Variants in ELMO1 observed in about 807,000 individuals in gnomAD.
ELMO1 encodes the protein engulfment and cell motility 1.
In ELMO1, 26 loss-of-function variants were observed where a neutral mutation model predicts 98.9. That is an observed-to-expected ratio of 0.26 (90% CI 0.19 to 0.36). The LOEUF (loss-of-function observed/expected upper bound fraction) is 0.36, where lower values mean the gene tolerates loss of function less well. Among genes scored for constraint, ELMO1 ranks in the 10% least tolerant of loss-of-function variants. The pLI is 1.00. For missense variants in ELMO1, 627 were observed against 935.2 expected (o/e 0.67, Z 4.30); for synonymous variants, 346 against 346.0 (o/e 1.00, Z 0.00).
intron 16 of ELMO1, among the ~76,000 whole-genome samples, chr7:36,986,949 G>A (rs183683484): frequency 6.6e-6 from 1 of 152,118 alleles, no homozygotes; most frequent in Non-Finnish European, 1.5e-5. Flanking sequence ...AATTAGAGGG[G>A]TATCTTTAAA....
At chr7:37,110,162 G>C (rs1244185980) in intron 14 of ELMO1, among the ~76,000 whole-genome samples, 3 of 152,236 alleles carry the variant, frequency 2.0e-5, no homozygotes, top group Non-Finnish European at 4.4e-5. Context: ...TTATCTCGCA[G>C]ATGTTACATG....
At chr7:37,189,184 T>C (rs1563066105) in intron 13 of ELMO1, among the ~76,000 whole-genome samples, 1 of 152,234 alleles carries the variant, frequency 6.6e-6, no homozygotes, top group African/African-American at 2.4e-5. Context: ...TGAATGTTTA[T>C]GTACATGAAA....
chr7:37,119,815 C>T (rs57508758), intron 14 of ELMO1, among the ~76,000 whole-genome samples: 2 of 152,138 alleles, frequency 1.3e-5, no homozygotes, highest in African/African-American at 2.4e-5. Flanking sequence ...ATTCTCCCCC[C>T]TCAGGAAATT....
chr7:37,258,234 C>T (rs1795792738), intron 6 of ELMO1, among the ~76,000 whole-genome samples: 1 of 151,942 alleles, frequency 6.6e-6, no homozygotes, highest in East Asian at 1.9e-4. Flanking sequence ...TCCCACTACA[C>T]TCCAGCCTGG....
chr7:36,898,934 T>G (rs1240411166), intron 16 of ELMO1, among the ~76,000 whole-genome samples: 2 of 152,082 alleles, frequency 1.3e-5, no homozygotes, highest in African/African-American at 2.4e-5. Flanking sequence ...TGAACACTCA[T>G]GGAGGCCCTC....
intron 15 of ELMO1, among the ~76,000 whole-genome samples, chr7:37,075,390 CG>C (rs972850892): frequency 6.6e-6 from 1 of 151,088 alleles, no homozygotes; most frequent in Admixed American, 6.6e-5. Flanking sequence ...CTCCTGACCT[CG>C]TGATCCACCC....
At chr7:37,413,222 C>T (rs1484866377) in intron 1 of ELMO1, among the ~76,000 whole-genome samples, 1 of 152,030 alleles carries the variant, frequency 6.6e-6, no homozygotes, top group Non-Finnish European at 1.5e-5. Flanking sequence ...CCTCTTCTCC[C>T]TTCCCCTTGC....
At position 36,855,611 on chromosome 7, in the gene ELMO1, G is replaced by A. The variant is rs149257728; in HGVS notation, c.2124C>T (p.Asp708=). Residue 708 remains aspartate (D), a synonymous_variant, in exon 22 of 22, where the codon GAC becomes GAT. Coordinates refer to ENST00000310758, the MANE Select transcript of ELMO1 (RefSeq NM_014800.11). This position sits in a 1 kb window ranked among gnomAD's most constrained non-coding sequence, Gnocchi z 4.2. The part of the protein sequence containing the change: ...LLDLENIQIP[D]APPPIPKEPS... ...GCTCCTTGGGAATCGGCGGAGGTGC[G>A]TCAGGGATCTGGATGTTTTCCAGGT... The A allele has an allele frequency of 5.8e-4, 935 of 1,614,120 alleles. 9 individuals carry two copies. The East Asian group carries it at 8.9e-3, about 15-fold the overall frequency.
At chr7:36,983,329 TTAA>T (rs1791228636) in intron 16 of ELMO1, among the ~76,000 whole-genome samples, 1 of 152,228 alleles carries the variant, frequency 6.6e-6, no homozygotes, top group African/African-American at 2.4e-5. Context: ...AATGGCGTTA[TTAA>T]TAATTCACCC....
At chr7:37,156,994 G>A (rs1387833894) in intron 13 of ELMO1, among the ~76,000 whole-genome samples, 2 of 152,190 alleles carry the variant, frequency 1.3e-5, no homozygotes, top group African/African-American at 2.4e-5. Flanking sequence ...TCATCCCTGG[G>A]ATGCAAGGCT....
chr7:37,425,440 T>G (rs115992009), intron 1 of ELMO1, among the ~76,000 whole-genome samples: 68 of 152,318 alleles, frequency 4.5e-4, no homozygotes, highest in African/African-American at 1.5e-3. Context: ...GGCACAAACA[T>G]TCAGTGCATC....
chr7:36,894,939 G>C lies in ELMO1; in HGVS notation c.1516C>G (p.Leu506Val), dbSNP rs1805872986. 6.2e-7 allele frequency: 1 copy of C among 1,614,166 alleles called. No homozygotes were observed. Among genetic ancestry groups the C allele is most frequent in the South Asian group, 1.1e-5 (1 of 91,086 alleles). The change falls in exon 17 of 22, where the codon CTG (leucine) becomes GTG (valine). Residue 506 changes from leucine (L) to valine (V), a missense_variant. Physicochemically the swap from Leu to Val is conservative, Grantham distance 32 (BLOSUM62 1). Transcript: ENST00000310758. ...ATCTCAGTGTAGCTCAGGTTCTGCA[G>C]TTTGCTCTTGAACTGGTCCAGGGAG... is the stretch of plus-strand genomic sequence containing the variant. The part of the protein sequence containing the change: ...PSSLDQFKSK[L>V]QNLSYTEILK...
chr7:37,351,016 T>C (rs953501960), intron 1 of ELMO1: 5 of 152,206 alleles, frequency 3.3e-5, no homozygotes, highest in Admixed American at 3.3e-4. Context: ...TGGTACTTTT[T>C]TATGGCAGCC....
intron 15 of ELMO1, among the ~76,000 whole-genome samples, chr7:37,036,909 T>C (rs60143738): frequency 6.6e-6 from 1 of 152,152 alleles, no homozygotes; most frequent in Non-Finnish European, 1.5e-5. Context: ...GCAAATTTTA[T>C]GTGGAAGAGA....
At chr7:37,284,204 A>G (rs1387207733) in intron 4 of ELMO1, among the ~76,000 whole-genome samples, 2 of 152,066 alleles carry the variant, frequency 1.3e-5, no homozygotes, top group Non-Finnish European at 2.9e-5. Context: ...GGGCATGTCA[A>G]TTTGCTTCAG....
At chr7:37,309,889 G>A (rs1179329412) in intron 4 of ELMO1, among the ~76,000 whole-genome samples, 1 of 152,128 alleles carries the variant, frequency 6.6e-6, no homozygotes, top group Admixed American at 6.5e-5. Context: ...CTGGAGACTG[G>A]GATTACCCTG....
At chr7:36,860,911 G>C (rs575473766) in intron 21 of ELMO1, among the ~76,000 whole-genome samples, 1 of 152,178 alleles carries the variant, frequency 6.6e-6, no homozygotes, top group East Asian at 1.9e-4. Context: ...AAATGTCCTA[G>C]GGGAAATGGG....
At position 37,383,329 on chromosome 7, in the gene ELMO1, CAA is replaced by C. The variant is rs767510122; in HGVS notation, c.-73-40568_-73-40567del. Among the ~76,000 whole-genome samples, 9 of 152,302 alleles carry C rather than the reference CAA, an allele frequency of 5.9e-5. No individual in the cohort carries two copies. In the South Asian group the frequency reaches 6.2e-4, roughly 11 times the overall value. Reference sequence around the variant, plus strand: ...TTTTTTAAGAGTACAGAAAAAATCACAAAAGTTTATCTAACATCTCGCCTCAC... The same window carrying C: ...TTTTTTAAGAGTACAGAAAAAATCACAAGTTTATCTAACATCTCGCCTCAC... On this transcript the variant is annotated intron_variant, in intron 1 of 21. Coordinates refer to ENST00000310758, the MANE Select transcript of ELMO1 (RefSeq NM_014800.11).
intron 15 of ELMO1, among the ~76,000 whole-genome samples, chr7:37,045,448 T>C (rs17170849): frequency 0.036 from 5,538 of 152,304 alleles, 173 homozygotes; most frequent in African/African-American, 0.079. Flanking sequence ...CCAGAACTTA[T>C]ATGGCATGTT....
Sources: allele counts gnomAD v4.1 joint callset (sites outside exome capture counted in the v4.1 genomes callset), GRCh38; gene constraint gnomAD v4.1.1; non-coding constraint Gnocchi (gnomAD v3.1); transcripts MANE v1.5; gene names NCBI Gene and HGNC (gene_info 2026-07-23, HGNC 2026-07-21).